The following MARCHF4 variants were observed in gnomAD, a reference collection of about 807,000 sequenced individuals.
MARCHF4 encodes the protein membrane associated ring-CH-type finger 4.
Under a neutral mutation model 43.9 loss-of-function variants are expected in MARCHF4, and 14 were observed. That is an observed-to-expected ratio of 0.32 (90% CI 0.21 to 0.50). The LOEUF (loss-of-function observed/expected upper bound fraction) is 0.50. Ranked by LOEUF, MARCHF4 falls within the 20% of genes least tolerant of loss-of-function variation. MARCHF4 has a pLI of 0.98. For missense variants in MARCHF4, 468 were observed against 536.7 expected (o/e 0.87, Z 1.27); for synonymous variants, 226 against 213.3 (o/e 1.06, Z -0.52).
intron 1 of MARCHF4, among the ~76,000 whole-genome samples, chr2:216,315,668 C>T (rs957928122): frequency 2.0e-5 from 3 of 152,084 alleles, no homozygotes; most frequent in African/African-American, 7.2e-5. Flanking sequence ...GACTGTATTT[C>T]GTTTTAAAAT....
At chr2:216,324,650 G>T (rs1448247065) in intron 1 of MARCHF4, among the ~76,000 whole-genome samples, 2 of 150,542 alleles carry the variant, frequency 1.3e-5, no homozygotes, top group Non-Finnish European at 3.0e-5. Flanking sequence ...GGGATGCAAG[G>T]CTGGTTCAAT....
intron 3 of MARCHF4, among the ~76,000 whole-genome samples, chr2:216,268,153 T>G (rs978806278): frequency 6.6e-6 from 1 of 152,212 alleles, no homozygotes; most frequent in Non-Finnish European, 1.5e-5. Context: ...TGTCAGCCTT[T>G]GCAAGCCCTG....
intron 1 of MARCHF4, among the ~76,000 whole-genome samples, chr2:216,334,321 A>G (rs1692125176): frequency 6.6e-6 from 1 of 152,212 alleles, no homozygotes; most frequent in Non-Finnish European, 1.5e-5. Context: ...TCTTCCTTCA[A>G]TCACAGGGAA....
intron 1 of MARCHF4, among the ~76,000 whole-genome samples, chr2:216,305,835 G>A (rs56038023): frequency 0.041 from 6,244 of 152,210 alleles, 170 homozygotes; most frequent in Middle Eastern, 0.13. Flanking sequence ...TACTCAGCCC[G>A]TCGGAGGAAT....
rs1431501444 is a variant in MARCHF4 at position 216,371,831 on chromosome 2, C to T, written c.-1571G>A. 1 of 152,396 alleles carries T rather than the reference C, an allele frequency of 6.6e-6. No individual in the cohort carries two copies. Among genetic ancestry groups the T allele is most frequent in the Non-Finnish European group, 1.5e-5 (1 of 68,210 alleles). 9.4% of individuals were successfully genotyped at this position (152,396 alleles called of 1,614,324 possible). A position where few individuals can be genotyped will look rare whatever the true frequency, so the allele number is the denominator to read the frequency against. On this transcript the variant is annotated 5_prime_UTR_variant, in exon 1 of 4. Transcript: ENST00000273067. ...CGGCTGCCGGGTCTGCTCGGCAGCT[C>T]TGCCCCCGCTACCCCCACCAAGGGC...
At chr2:216,313,863 A>G (rs938144515) in intron 1 of MARCHF4, among the ~76,000 whole-genome samples, 1 of 152,082 alleles carries the variant, frequency 6.6e-6, no homozygotes, top group African/African-American at 2.4e-5. Flanking sequence ...TTAAGGATCC[A>G]CTCTAGGCTA....
In MARCHF4 at chr2:216,370,006, C is replaced by T. The variant is rs1340664414; in HGVS notation, c.255G>A (p.Gly85=). The change falls in exon 1 of 4, where the codon GGG becomes GGA. Residue 85 remains glycine, a synonymous_variant. Coordinates refer to ENST00000273067, the MANE Select transcript of MARCHF4 (RefSeq NM_020814.3). ...GGGGGCCCCTCCAGCCTGCCCACCC[C>T]CCGGCGCCCAGAGCCGGAAGGGTGT... The part of the protein sequence containing the change: ...ANNTLPALGA[G]GWAGWRGPRE... The T allele has an allele frequency of 6.5e-7, 1 of 1,540,924 alleles. No homozygotes were observed. The highest frequency in any genetic ancestry group is 8.8e-7 in the Non-Finnish European group (1 of 1,139,166).
chr2:216,298,457 G>T (rs533636193), intron 1 of MARCHF4, among the ~76,000 whole-genome samples: 2 of 151,636 alleles, frequency 1.3e-5, no homozygotes, highest in African/African-American at 4.8e-5. Flanking sequence ...GTAGAAATGG[G>T]GTTTCACCAT....
chr2:216,305,513 G>A (rs1416376145), intron 1 of MARCHF4, among the ~76,000 whole-genome samples: 1 of 152,146 alleles, frequency 6.6e-6, no homozygotes, highest in Non-Finnish European at 1.5e-5. Flanking sequence ...AATTTCAGAG[G>A]CAAGAAGAAT....
chr2:216,345,288 A>G (rs533903603), intron 1 of MARCHF4, among the ~76,000 whole-genome samples: 2 of 152,108 alleles, frequency 1.3e-5, no homozygotes, highest in Non-Finnish European at 1.5e-5. Flanking sequence ...GCAAGGGTTC[A>G]GGGGATGTTG....
chr2:216,348,862 TC>T (rs1172029179), intron 1 of MARCHF4, among the ~76,000 whole-genome samples: 2 of 152,236 alleles, frequency 1.3e-5, no homozygotes, highest in Non-Finnish European at 2.9e-5. Context: ...CACTAAAGAC[TC>T]CATTCAAACT....
chr2:216,289,602 T>C lies in MARCHF4; in HGVS notation c.517-5873A>G, dbSNP rs1691275580. Among the ~76,000 whole-genome samples the C allele has an allele frequency of 2.6e-5, 4 of 152,362 alleles. No homozygotes were observed. The South Asian group carries it at 8.3e-4, about 32-fold the overall frequency. On this transcript the variant is annotated intron_variant, in intron 1 of 3. Coordinates refer to ENST00000273067, the MANE Select transcript of MARCHF4 (RefSeq NM_020814.3). ...GTTTATTTTGAGCTTGTTTCATTTT[T>C]CACATCTTTCAGTCTGAAGGTCTTG...
chr2:216,263,517 G>GAA (rs1339027222), intron 3 of MARCHF4, among the ~76,000 whole-genome samples: 13,507 of 97,168 alleles, frequency 0.14, 1,097 homozygotes, highest in African/African-American at 0.22. Flanking sequence ...GAGAGAGAGA[G>GAA]AGAGAGAGAG....
At chr2:216,306,017 T>A (rs1047583516) in intron 1 of MARCHF4, among the ~76,000 whole-genome samples, 2 of 152,184 alleles carry the variant, frequency 1.3e-5, no homozygotes, top group Non-Finnish European at 2.9e-5. Context: ...ATAGTTGTCA[T>A]TATCATTATT....
At chr2:216,263,122 G>A (rs1024231910) in intron 3 of MARCHF4, among the ~76,000 whole-genome samples, 5 of 152,126 alleles carry the variant, frequency 3.3e-5, no homozygotes, top group African/African-American at 1.2e-4. Flanking sequence ...AGGGAAAATG[G>A]GTGGTAAAGA....
intron 1 of MARCHF4, among the ~76,000 whole-genome samples, chr2:216,319,102 G>A (rs1691836034): frequency 6.6e-6 from 1 of 152,258 alleles, no homozygotes; most frequent in South Asian, 2.1e-4. Flanking sequence ...GAGGTCAGGA[G>A]TTCAAAACCA....
At chr2:216,266,621 C>T (rs1267129856) in intron 3 of MARCHF4, among the ~76,000 whole-genome samples, 1 of 152,194 alleles carries the variant, frequency 6.6e-6, no homozygotes, top group Admixed American at 6.5e-5. Flanking sequence ...GAATTCCCCA[C>T]TGTCAGACAG....
intron 1 of MARCHF4, among the ~76,000 whole-genome samples, chr2:216,319,666 G>A (rs1559098283): frequency 6.6e-6 from 1 of 152,114 alleles, no homozygotes; most frequent in Non-Finnish European, 1.5e-5. Context: ...GGTCTCTTGG[G>A]AAACATAATA....
intron 1 of MARCHF4, among the ~76,000 whole-genome samples, chr2:216,289,235 C>A (rs972563733): frequency 1.1e-4 from 13 of 118,410 alleles, no homozygotes; most frequent in South Asian, 6.5e-4. Context: ...TCTTCCCCAC[C>A]CGCCCCCCAC....
Sources: gnomAD v4.1 joint callset for allele counts (sites outside exome capture counted in the v4.1 genomes callset) on GRCh38, gnomAD v4.1.1 for gene constraint, MANE v1.5 for transcripts, NCBI Gene and HGNC (gene_info 2026-07-23, HGNC 2026-07-21) for gene names.